RAPGEF5: variants seen among roughly 807,000 people sequenced by gnomAD.
The protein encoded by RAPGEF5 is M-Ras-regulated GEF.
RAPGEF5 carries 65 observed loss-of-function variants against 125.2 expected under a neutral mutation model. That is an observed-to-expected ratio of 0.52 (90% CI 0.43 to 0.64). The LOEUF (loss-of-function observed/expected upper bound fraction) is 0.64, where lower values mean the gene tolerates loss of function less well. Ranked by LOEUF, RAPGEF5 falls within the 30% of genes least tolerant of loss-of-function variation. The probability of loss-of-function intolerance (pLI) is 0.00; values close to 1 mark genes in which losing one functional copy is unlikely to be tolerated. For missense variants in RAPGEF5, 958 were observed against 1,048.1 expected (o/e 0.91, Z 1.19); for synonymous variants, 391 against 385.9 (o/e 1.01, Z -0.16).
At position 22,227,219 on chromosome 7, in the gene RAPGEF5, TA is replaced by T. The variant is rs527972045; in HGVS notation, c.870+3626del. Among the ~76,000 whole-genome samples, 153 of 146,208 alleles carry T rather than the reference TA, an allele frequency of 1.0e-3. 1 individual carries two copies. The highest frequency in any genetic ancestry group is 2.8e-3 in the African/African-American group (114 of 40,074). On this transcript the variant is annotated intron_variant, in intron 8 of 25. Transcript: ENST00000665637. Reference sequence around the variant, plus strand: ...ACACTGGTAAGCAGGGTAGCAAAGTTAAAAAAAAAAATTAAAAAGTTAAAAA... The same window carrying T: ...ACACTGGTAAGCAGGGTAGCAAAGTTAAAAAAAAAATTAAAAAGTTAAAAA...
chr7:22,294,391 G>A (rs780843022), intron 5 of RAPGEF5, among the ~76,000 whole-genome samples: 2 of 152,178 alleles, frequency 1.3e-5, no homozygotes, highest in African/African-American at 4.8e-5. Flanking sequence ...CTCTCCAGGG[G>A]AGAGTGCTGA....
At chr7:22,193,196 C>T in intron 11 of RAPGEF5, 171 bp downstream of exon 11, 1 of 680,514 alleles carries the variant, frequency 1.5e-6, no homozygotes, top group Non-Finnish European at 2.4e-6. Flanking sequence ...CTACATGTGT[C>T]CATTTATTGG....
At chr7:22,222,217 C>T (rs745427104) in intron 8 of RAPGEF5, among the ~76,000 whole-genome samples, 1 of 151,968 alleles carries the variant, frequency 6.6e-6, no homozygotes, top group African/African-American at 2.4e-5. Context: ...GTGCACTGGA[C>T]GACAGAGCGA....
At chr7:22,293,496 T>G (rs1344398445) in intron 5 of RAPGEF5, among the ~76,000 whole-genome samples, 7 of 152,116 alleles carry the variant, frequency 4.6e-5, no homozygotes, top group Non-Finnish European at 8.8e-5. Context: ...AACAAATTAT[T>G]TTAACCACCT....
intron 7 of RAPGEF5, among the ~76,000 whole-genome samples, chr7:22,242,680 G>A (rs1786364175): frequency 5.3e-5 from 8 of 152,046 alleles, no homozygotes; most frequent in Admixed American, 5.2e-4. Flanking sequence ...TGCTGGGCGC[G>A]GTGGCTCACG....
chr7:22,235,369 C>T (rs954614175), intron 7 of RAPGEF5, among the ~76,000 whole-genome samples: 7 of 152,148 alleles, frequency 4.6e-5, no homozygotes, highest in East Asian at 1.9e-4. Flanking sequence ...GTAAAATGTA[C>T]GTGTCGGTGA....
intron 9 of RAPGEF5, among the ~76,000 whole-genome samples, chr7:22,204,675 C>T (rs1171676788): frequency 1.3e-5 from 2 of 152,108 alleles, no homozygotes; most frequent in Admixed American, 1.3e-4. Flanking sequence ...TAGGGAGGCA[C>T]GCCTTTGGTC....
chr7:22,189,843 G>A (rs1784937342), intron 11 of RAPGEF5, among the ~76,000 whole-genome samples: 1 of 152,140 alleles, frequency 6.6e-6, no homozygotes, highest in Non-Finnish European at 1.5e-5. Context: ...CTCAGGGAGT[G>A]TTATTGCTAA....
chr7:22,160,726 T>C (rs1196107393), intron 13 of RAPGEF5, 111 bp from the exon 14 acceptor site: 1 of 1,287,874 alleles, frequency 7.8e-7, no homozygotes. Context: ...TTCAGGACAA[T>C]GTACGGGTTT....
chr7:22,187,827 T>G (rs958539994), intron 11 of RAPGEF5, among the ~76,000 whole-genome samples: 1 of 152,226 alleles, frequency 6.6e-6, no homozygotes, highest in Non-Finnish European at 1.5e-5. Flanking sequence ...AGAATTGGTC[T>G]TTCAAAATAT....
intron 8 of RAPGEF5, among the ~76,000 whole-genome samples, chr7:22,221,111 T>C (rs1785777080): frequency 6.6e-6 from 1 of 152,202 alleles, no homozygotes; most frequent in African/African-American, 2.4e-5. Context: ...ATAAAAAATT[T>C]CTGACGTGGC....
rs1262623185 is a variant in RAPGEF5 at position 22,118,770 on chromosome 7, T to A, written c.*3636A>T. On this transcript the variant is annotated 3_prime_UTR_variant, in exon 26 of 26. Coordinates refer to ENST00000665637, the MANE Select transcript of RAPGEF5 (RefSeq NM_012294.5). ...ATCCCAGTATTTAATAACAGTGTGA[T>A]ACGAATACAATAAATAGACTATGCA... The A allele has an allele frequency of 1.3e-5, 2 of 152,616 alleles. No individual in the cohort carries two copies. The highest frequency in any genetic ancestry group is 6.5e-5 in the Admixed American group (1 of 15,278). The allele number at this position is 152,616 out of a possible 1,614,324, so 9.5% of individuals were successfully genotyped here.
At chr7:22,273,368 A>G (rs1163402024) in intron 6 of RAPGEF5, among the ~76,000 whole-genome samples, 11 of 151,688 alleles carry the variant, frequency 7.3e-5, no homozygotes, top group Admixed American at 6.6e-5. Context: ...ACAGGCGCCC[A>G]CCACCGCGCC....
intron 20 of RAPGEF5, 122 bp downstream of exon 20, chr7:22,144,922 C>T (rs1321253800): frequency 7.1e-6 from 8 of 1,127,616 alleles, no homozygotes; most frequent in Non-Finnish European, 9.7e-6. Context: ...GCCATTTAGT[C>T]ATTTAACTCC....
chr7:22,349,669 G>C (rs531251172), intron 1 of RAPGEF5, among the ~76,000 whole-genome samples: 21 of 152,318 alleles, frequency 1.4e-4, no homozygotes, highest in African/African-American at 1.7e-4. Flanking sequence ...AGAGTGGAAA[G>C]AGAATGAGTT....
chr7:22,197,899 G>GGGA lies in RAPGEF5; in HGVS notation c.997-3867_997-3866insTCC, dbSNP rs1554327508. On this transcript the variant is annotated intron_variant, in intron 9 of 25. Transcript: ENST00000665637. ...TCTCTTTTTTCTTTTTTTTTGGGGG[G>GGGA]GGGTGGTAGGAGGACATTCTCACTC... is the stretch of plus-strand genomic sequence containing the variant. Among the ~76,000 whole-genome samples, 883 of 146,738 alleles carry GGGA rather than the reference G, an allele frequency of 6.0e-3. 23 individuals are homozygous for GGGA. The highest frequency in any genetic ancestry group is 0.01 in the Non-Finnish European group (672 of 66,194).
At chr7:22,312,302 G>C (rs1783490203) in intron 3 of RAPGEF5, among the ~76,000 whole-genome samples, 1 of 151,726 alleles carries the variant, frequency 6.6e-6, no homozygotes, top group Admixed American at 6.6e-5. Context: ...TCTGCCTCCC[G>C]GGTTCAAGCG....
At chr7:22,295,122 GT>G (rs752102704) in intron 5 of RAPGEF5, among the ~76,000 whole-genome samples, 2 of 152,112 alleles carry the variant, frequency 1.3e-5, no homozygotes, top group Non-Finnish European at 2.9e-5. Context: ...AGACAAGTAA[GT>G]TTTGCTTAAC....
chr7:22,347,984 T>C (rs1241752419), intron 1 of RAPGEF5, among the ~76,000 whole-genome samples: 1 of 152,206 alleles, frequency 6.6e-6, no homozygotes, highest in Admixed American at 6.5e-5. Flanking sequence ...AAAAATTTAC[T>C]AGCAACTGAA....
Sources: allele counts gnomAD v4.1 joint callset (sites outside exome capture counted in the v4.1 genomes callset), GRCh38; gene constraint gnomAD v4.1.1; transcripts MANE v1.5; gene names NCBI Gene and HGNC (gene_info 2026-07-23, HGNC 2026-07-21).